The following DRC11 variants were observed in gnomAD, a reference collection of about 807,000 sequenced individuals.
The protein encoded by DRC11 is IQ and AAA domain-containing protein 1.
chr2:236,335,917 C>T, the DRC11 span, among the ~76,000 whole-genome samples: 22 of 152,230 alleles, frequency 1.4e-4, no homozygotes, highest in African/African-American at 5.1e-4. This position sits in a 1 kb window ranked among gnomAD's most constrained non-coding sequence, Gnocchi z 5.6. Flanking sequence ...AGCGCTGCCC[C>T]CTTCATCCAT....
chr2:236,332,932 AG>A, the DRC11 span: 12 of 152,282 alleles, frequency 7.9e-5, no homozygotes, highest in Admixed American at 5.2e-4. This position sits in a 1 kb window ranked among gnomAD's most constrained non-coding sequence, Gnocchi z 5.1. Flanking sequence ...AGTGAAACCA[AG>A]GAGGGCCACA....
the DRC11 span, chr2:236,367,985 C>G: frequency 5.1e-6 from 3 of 592,814 alleles, no homozygotes; most frequent in Non-Finnish European, 9.2e-6. This position sits in a 1 kb window ranked among gnomAD's most constrained non-coding sequence, Gnocchi z 4.8. Flanking sequence ...TAAGCAGGCA[C>G]GCAGAGAGGG....
At chr2:236,443,794 C>A in the DRC11 span, among the ~76,000 whole-genome samples, 1 of 152,296 alleles carries the variant, frequency 6.6e-6, no homozygotes, top group East Asian at 1.9e-4. The surrounding 1 kb of genome is among the most constrained non-coding windows in gnomAD (Gnocchi z 4.4). Context: ...GAGGAATCGT[C>A]ACAGTCTTCC....
chr2:236,371,186 C>A, the DRC11 span, among the ~76,000 whole-genome samples: 1 of 151,902 alleles, frequency 6.6e-6, no homozygotes, highest in Admixed American at 6.6e-5. This position sits in a 1 kb window ranked among gnomAD's most constrained non-coding sequence, Gnocchi z 5.1. Context: ...CACCCTCTCT[C>A]ATCTTCTAGA....
At chr2:236,309,473 C>T in the DRC11 span, among the ~76,000 whole-genome samples, 7 of 152,092 alleles carry the variant, frequency 4.6e-5, no homozygotes, top group Non-Finnish European at 1.0e-4. The surrounding 1 kb of genome is among the most constrained non-coding windows in gnomAD (Gnocchi z 5.7). Flanking sequence ...TGAGCATTTG[C>T]AGAGTGGGTG....
the DRC11 span, among the ~76,000 whole-genome samples, chr2:236,383,490 T>G: frequency 6.6e-6 from 1 of 152,166 alleles, no homozygotes; most frequent in Non-Finnish European, 1.5e-5. Context: ...GCTTTGGGTT[T>G]AATATTCTCC....
the DRC11 span, chr2:236,503,574 T>A: frequency 6.8e-7 from 1 of 1,476,626 alleles, no homozygotes; most frequent in African/African-American, 1.4e-5. This position sits in a 1 kb window ranked among gnomAD's most constrained non-coding sequence, Gnocchi z 4.9. Flanking sequence ...AGGCAAAGAT[T>A]CCCGGCTGAC....
the DRC11 span, among the ~76,000 whole-genome samples, chr2:236,491,240 T>TACAC: frequency 1.1e-4 from 6 of 52,538 alleles, no homozygotes; most frequent in Non-Finnish European, 1.8e-4. Flanking sequence ...TATATATATA[T>TACAC]ACACAGTATA....
chr2:236,317,653 A>G, the DRC11 span, among the ~76,000 whole-genome samples: 1 of 152,202 alleles, frequency 6.6e-6, no homozygotes, highest in Non-Finnish European at 1.5e-5. The surrounding 1 kb of genome is among the most constrained non-coding windows in gnomAD (Gnocchi z 5.4). Context: ...TGCTTGTGTC[A>G]TAATTCAACA....
the DRC11 span, among the ~76,000 whole-genome samples, chr2:236,468,241 C>T: frequency 6.6e-6 from 1 of 152,214 alleles, no homozygotes; most frequent in Admixed American, 6.5e-5. Context: ...CAGGTGCACA[C>T]CACCACACCT....
chr2:236,341,748 G>C, the DRC11 span, among the ~76,000 whole-genome samples: 2 of 152,206 alleles, frequency 1.3e-5, no homozygotes, highest in Non-Finnish European at 2.9e-5. Context: ...AGCCTGTGCT[G>C]TGTGTGGTGG....
chr2:236,485,367 T>G, the DRC11 span, among the ~76,000 whole-genome samples: 1 of 152,188 alleles, frequency 6.6e-6, no homozygotes, highest in Admixed American at 6.5e-5. Context: ...CAGGGCTCTG[T>G]ATGTTATTAG....
the DRC11 span, among the ~76,000 whole-genome samples, chr2:236,403,194 G>T: frequency 6.6e-6 from 1 of 152,024 alleles, no homozygotes; most frequent in African/African-American, 2.4e-5. Flanking sequence ...CCAGCAGAAG[G>T]AACAGCATGT....
the DRC11 span, among the ~76,000 whole-genome samples, chr2:236,498,294 A>G: frequency 6.8e-6 from 1 of 147,982 alleles, no homozygotes; most frequent in African/African-American, 2.6e-5. Context: ...CGTCTCTACT[A>G]AAATACAAAA....
chr2:236,455,010 CT>C, the DRC11 span: 1 of 152,146 alleles, frequency 6.6e-6, no homozygotes, highest in Non-Finnish European at 1.5e-5. This position sits in a 1 kb window ranked among gnomAD's most constrained non-coding sequence, Gnocchi z 5.7. Context: ...TTCTCTTTTC[CT>C]TTTAACTACA....
At chr2:236,423,502 T>C in the DRC11 span, among the ~76,000 whole-genome samples, 1 of 152,168 alleles carries the variant, frequency 6.6e-6, no homozygotes, top group Non-Finnish European at 1.5e-5. Context: ...CACAATGAGA[T>C]ACCATCTCAC....
the DRC11 span, among the ~76,000 whole-genome samples, chr2:236,400,160 A>G: frequency 6.6e-6 from 1 of 152,100 alleles, no homozygotes; most frequent in Non-Finnish European, 1.5e-5. The surrounding 1 kb of genome is among the most constrained non-coding windows in gnomAD (Gnocchi z 7.9). Context: ...GCTGCTTGCC[A>G]GTTCTAGCAC....
chr2:236,473,757 T>C, the DRC11 span, among the ~76,000 whole-genome samples: 1 of 151,334 alleles, frequency 6.6e-6, no homozygotes, highest in South Asian at 2.1e-4. This position sits in a 1 kb window ranked among gnomAD's most constrained non-coding sequence, Gnocchi z 4.8. Context: ...TTTTAGAATA[T>C]AAATATTTAA....
the DRC11 span, among the ~76,000 whole-genome samples, chr2:236,413,320 T>A: frequency 6.6e-6 from 1 of 152,216 alleles, no homozygotes; most frequent in Non-Finnish European, 1.5e-5. This position sits in a 1 kb window ranked among gnomAD's most constrained non-coding sequence, Gnocchi z 4.0. Flanking sequence ...GGCTAAGGAC[T>A]CTATTATCTC....
Sources: allele counts gnomAD v4.1 joint callset (sites outside exome capture counted in the v4.1 genomes callset), GRCh38; gene constraint gnomAD v4.1.1; non-coding constraint Gnocchi (gnomAD v3.1); transcripts MANE v1.5; gene names NCBI Gene and HGNC (gene_info 2026-07-23, HGNC 2026-07-21).